Variants in FGFR2 observed in about 807,000 individuals in gnomAD.
The protein encoded by FGFR2 is BEK fibroblast growth factor receptor.
A neutral mutation model predicts 95.9 loss-of-function variants in FGFR2; 19 were observed. The observed-to-expected ratio is 0.20, with a 90% CI of 0.14 to 0.29. FGFR2 has a LOEUF of 0.29. Among genes scored for constraint, FGFR2 ranks in the 10% least tolerant of loss-of-function variants. The pLI is 1.00. For missense variants in FGFR2, 707 were observed against 1,056.9 expected, an observed-to-expected ratio of 0.67 and a Z score of 4.59; for synonymous variants, 392 against 393.3, an observed-to-expected ratio of 1.00 and a Z score of 0.04.
chr10:121,563,801 G>A (rs757027986), intron 4 of FGFR2, among the ~76,000 whole-genome samples: 6 of 152,208 alleles, frequency 3.9e-5, no homozygotes, highest in Non-Finnish European at 7.3e-5. Flanking sequence ...GTTCTTCCTC[G>A]CAAGTAAATG....
chr10:121,587,349 C>T (rs1375194913), intron 2 of FGFR2, among the ~76,000 whole-genome samples: 1 of 152,060 alleles, frequency 6.6e-6, no homozygotes, highest in Admixed American at 6.5e-5. Context: ...TAGGAATGGG[C>T]AAAGATTTCA....
At chr10:121,483,634 TA>T in intron 17 of FGFR2, 63 bp downstream of exon 17, 2 of 1,196,914 alleles carry the variant, frequency 1.7e-6, no homozygotes, top group Non-Finnish European at 2.5e-6. Flanking sequence ...AGTGTGTGTG[TA>T]AAACACTACG....
At chr10:121,543,144 TA>T (rs1340938670) in intron 5 of FGFR2, among the ~76,000 whole-genome samples, 1 of 152,194 alleles carries the variant, frequency 6.6e-6, no homozygotes, top group African/African-American at 2.4e-5. Context: ...CAATCTCTTG[TA>T]ATCCTGGCCT....
chr10:121,554,287 A>G (rs75366313), intron 4 of FGFR2, among the ~76,000 whole-genome samples: 1 of 151,702 alleles, frequency 6.6e-6, no homozygotes, highest in Non-Finnish European at 1.5e-5. Flanking sequence ...TTAAATATCA[A>G]GCTCACAAAT....
chr10:121,523,140 T>C (rs905745975), intron 6 of FGFR2, among the ~76,000 whole-genome samples: 1 of 152,196 alleles, frequency 6.6e-6, no homozygotes, highest in Non-Finnish European at 1.5e-5. Flanking sequence ...CTCCCATCAC[T>C]TTACAGACAT....
intron 5 of FGFR2, among the ~76,000 whole-genome samples, chr10:121,546,185 TAA>T (rs35408469): frequency 2.2e-5 from 3 of 135,350 alleles, no homozygotes; most frequent in Non-Finnish European, 3.1e-5. Flanking sequence ...ACCTCTTTAT[TAA>T]AAAAAAAAAA....
chr10:121,595,302 A>C (rs998262287), intron 1 of FGFR2, among the ~76,000 whole-genome samples: 1 of 152,260 alleles, frequency 6.6e-6, no homozygotes, highest in Non-Finnish European at 1.5e-5. Context: ...GACTGAGGAC[A>C]AAAATGGAGG....
chr10:121,495,455 G>C (rs1347473251), intron 13 of FGFR2, among the ~76,000 whole-genome samples: 1 of 152,184 alleles, frequency 6.6e-6, no homozygotes, highest in African/African-American at 2.4e-5. Context: ...CTGAACCCAG[G>C]AGGTCAAGGC....
intron 11 of FGFR2, among the ~76,000 whole-genome samples, chr10:121,499,132 C>T (rs533586035): frequency 9.9e-5 from 15 of 152,248 alleles, no homozygotes; most frequent in South Asian, 8.3e-4. Flanking sequence ...TAAAGGGCTG[C>T]GACTTCTAGT....
At chr10:121,489,278 C>T (rs1207402881) in intron 13 of FGFR2, among the ~76,000 whole-genome samples, 3 of 151,920 alleles carry the variant, frequency 2.0e-5, no homozygotes, top group Admixed American at 6.6e-5. Flanking sequence ...TTCACCATGT[C>T]GGTCAGGCTG....
rs1326696803 is a variant in FGFR2 at position 121,478,409 on chromosome 10, A to G, written c.*1448T>C. On this transcript the variant is annotated 3_prime_UTR_variant, in exon 18 of 18. Coordinates refer to ENST00000358487, the MANE Select transcript of FGFR2 (RefSeq NM_000141.5). ...GTAGAAACATTTTTATTGTCAGTAT[A>G]AAAATTAACAGGTTTTATTAAATAC... 2 of 233,246 alleles carry G rather than the reference A, an allele frequency of 8.6e-6. No individual in the cohort carries two copies. Among genetic ancestry groups the G allele is most frequent in the Admixed American group, 5.6e-5 (1 of 17,770 alleles). The allele number at this position is 233,246 out of a possible 1,614,324, so 14.4% of individuals were successfully genotyped here. A position where few individuals can be genotyped will look rare whatever the true frequency, so the allele number is the denominator to read the frequency against.
At chr10:121,574,646 G>A (rs1859416850) in intron 2 of FGFR2, among the ~76,000 whole-genome samples, 1 of 152,122 alleles carries the variant, frequency 6.6e-6, no homozygotes, top group African/African-American at 2.4e-5. Context: ...ACACAGCAAC[G>A]AAGACAGCCT....
intron 4 of FGFR2, chr10:121,564,270 T>C (rs1590004866): frequency 3.5e-6 from 2 of 576,804 alleles, no homozygotes; most frequent in South Asian, 4.0e-5. Context: ...AGTAACTGCT[T>C]TGAAAAACGA....
chr10:121,518,965 T>A lies in FGFR2; in HGVS notation c.939+1014A>T. ...AGCGGCATTAAAGGGCTGCGGATTTTAAAGAACAAAATCAGTCCAGTGGTG... is the reference window on the plus strand; with the variant it reads ...AGCGGCATTAAAGGGCTGCGGATTTAAAAGAACAAAATCAGTCCAGTGGTG... On this transcript the variant is annotated intron_variant, in intron 7 of 17. Coordinates refer to ENST00000358487, the MANE Select transcript of FGFR2 (RefSeq NM_000141.5). The surrounding 1 kb of genome is among the most constrained non-coding windows in gnomAD (Gnocchi z 4.0). The A allele has an allele frequency of 2.8e-6, 3 of 1,081,020 alleles. No individual in the cohort carries two copies. The highest frequency in any genetic ancestry group is 4.1e-6 in the Non-Finnish European group (3 of 723,552). 67.0% of individuals were successfully genotyped at this position (1,081,020 alleles called of 1,614,324 possible). A position where few individuals can be genotyped will look rare whatever the true frequency, so the allele number is the denominator to read the frequency against.
At chr10:121,563,561 G>A (rs889862688) in intron 4 of FGFR2, among the ~76,000 whole-genome samples, 32 of 152,276 alleles carry the variant, frequency 2.1e-4, no homozygotes, top group Admixed American at 1.7e-3. Context: ...GAAAATGCAA[G>A]TAATGCTATA....
intron 9 of FGFR2, among the ~76,000 whole-genome samples, chr10:121,511,381 C>T (rs920429103): frequency 2.0e-5 from 3 of 152,160 alleles, no homozygotes; most frequent in Non-Finnish European, 2.9e-5. Context: ...CCAGCAACAC[C>T]GCACGTCTCC....
chr10:121,596,876 A>G (rs1178257789), intron 1 of FGFR2, among the ~76,000 whole-genome samples: 3 of 152,030 alleles, frequency 2.0e-5, no homozygotes, highest in Non-Finnish European at 4.4e-5. Context: ...GGAAAGAGAG[A>G]GGGGCGCCTG....
At chr10:121,543,417 A>T (rs1247498121) in intron 5 of FGFR2, among the ~76,000 whole-genome samples, 1 of 152,154 alleles carries the variant, frequency 6.6e-6, no homozygotes, top group East Asian at 1.9e-4. Flanking sequence ...GGCTGAGGCA[A>T]GAGAATCGCT....
chr10:121,558,217 T>C (rs2981427), intron 4 of FGFR2, among the ~76,000 whole-genome samples: 73,607 of 152,080 alleles, frequency 0.48, 19,093 homozygotes, highest in Middle Eastern at 0.57. Flanking sequence ...ACATACCTAG[T>C]ACCTAGGGAA....
Sources: gnomAD v4.1 joint callset for allele counts (sites outside exome capture counted in the v4.1 genomes callset) on GRCh38, gnomAD v4.1.1 for gene constraint, Gnocchi (gnomAD v3.1) non-coding constraint, MANE v1.5 for transcripts, NCBI Gene and HGNC (gene_info 2026-07-23, HGNC 2026-07-21) for gene names.